TTLL11: variants seen among roughly 807,000 people sequenced by gnomAD.
TTLL11 encodes tubulin tyrosine ligase like 11, also known as tubulin polyglutamylase TTLL11.
A neutral mutation model predicts 51.7 loss-of-function variants in TTLL11; 42 were observed. The ratio of observed to expected loss-of-function variants is 0.81; its 90% CI spans 0.64 to 1.05. The LOEUF (loss-of-function observed/expected upper bound fraction) is 1.05, where lower values mean the gene tolerates loss of function less well. Among genes scored for constraint, TTLL11 ranks in the 50% least tolerant of loss-of-function variants. The pLI, the probability that TTLL11 is intolerant of heterozygous loss-of-function variation, is 0.00. For missense variants in TTLL11, 799 were observed against 940.4 expected (o/e 0.85, Z 1.97); for synonymous variants, 381 against 383.5 (o/e 0.99, Z 0.08).
intron 6 of TTLL11, among the ~76,000 whole-genome samples, chr9:121,925,732 T>C (rs1179649139): frequency 2.6e-5 from 4 of 152,134 alleles, no homozygotes; most frequent in Admixed American, 6.5e-5. Flanking sequence ...TCTCTGAATC[T>C]CTCTGTGTCC....
intron 6 of TTLL11, among the ~76,000 whole-genome samples, chr9:121,959,030 CA>C (rs1842122360): frequency 6.6e-6 from 1 of 152,072 alleles, no homozygotes; most frequent in African/African-American, 2.4e-5. Flanking sequence ...TGCACAACTC[CA>C]AAAGCCTAAA....
intron 8 of TTLL11, among the ~76,000 whole-genome samples, chr9:121,839,403 C>T (rs1837286497): frequency 6.6e-6 from 1 of 152,150 alleles, no homozygotes. Context: ...CCAGGGTTGG[C>T]CTCTTACACA....
At chr9:122,001,121 G>C (rs2131723796) in intron 3 of TTLL11, among the ~76,000 whole-genome samples, 1 of 152,168 alleles carries the variant, frequency 6.6e-6, no homozygotes, top group South Asian at 2.1e-4. Context: ...TCTTGACATG[G>C]AGTCTCACTC....
chr9:121,978,006 C>T (rs1262808682), intron 4 of TTLL11, among the ~76,000 whole-genome samples: 1 of 152,082 alleles, frequency 6.6e-6, no homozygotes, highest in Non-Finnish European at 1.5e-5. Flanking sequence ...TTTCTATGTC[C>T]CAAGAACTAT....
At chr9:122,007,492 A>G (rs1384191729) in intron 3 of TTLL11, among the ~76,000 whole-genome samples, 1 of 150,644 alleles carries the variant, frequency 6.6e-6, no homozygotes. Context: ...AAAAAAAAAG[A>G]AAAAAGAAAA....
At chr9:122,041,814 G>A (rs776021723) in intron 1 of TTLL11, among the ~76,000 whole-genome samples, 24 of 151,836 alleles carry the variant, frequency 1.6e-4, no homozygotes, top group African/African-American at 4.8e-4. Context: ...CTCATAGACC[G>A]GAAGAGTTAA....
At chr9:122,042,714 T>C (rs1184550556) in intron 1 of TTLL11, among the ~76,000 whole-genome samples, 2 of 152,164 alleles carry the variant, frequency 1.3e-5, no homozygotes, top group African/African-American at 4.8e-5. Flanking sequence ...GGTGAGTAGA[T>C]AAATAAACTA....
At chr9:121,867,418 T>C (rs1838212159) in intron 7 of TTLL11, among the ~76,000 whole-genome samples, 1 of 152,188 alleles carries the variant, frequency 6.6e-6, no homozygotes, top group African/African-American at 2.4e-5. Context: ...TAGCTGATGC[T>C]TCCTGCCTAA....
chr9:121,867,586 C>A (rs748769552), intron 7 of TTLL11, among the ~76,000 whole-genome samples: 2 of 152,136 alleles, frequency 1.3e-5, no homozygotes, highest in Non-Finnish European at 2.9e-5. Flanking sequence ...AGATGATAAA[C>A]CTTTCTAACT....
At chr9:121,826,903 C>T (rs1211402560) in intron 8 of TTLL11, among the ~76,000 whole-genome samples, 2 of 151,838 alleles carry the variant, frequency 1.3e-5, no homozygotes, top group Admixed American at 6.6e-5. Context: ...GGCAGGGAGG[C>T]AGGGTGGATG....
At chr9:122,011,188 C>A (rs1011105015) in intron 3 of TTLL11, among the ~76,000 whole-genome samples, 3 of 152,136 alleles carry the variant, frequency 2.0e-5, no homozygotes, top group Non-Finnish European at 4.4e-5. Context: ...GTAAGATGTA[C>A]CTTTTGCCTT....
At chr9:121,892,169 GAT>G (rs979910217) in intron 6 of TTLL11, among the ~76,000 whole-genome samples, 4 of 142,148 alleles carry the variant, frequency 2.8e-5, no homozygotes, top group East Asian at 4.1e-4. Flanking sequence ...TATATACACA[GAT>G]ATATATATAC....
chr9:121,889,026 T>C (rs1839122138), intron 6 of TTLL11, among the ~76,000 whole-genome samples: 1 of 152,218 alleles, frequency 6.6e-6, no homozygotes, highest in Non-Finnish European at 1.5e-5. Context: ...AGGTCTGTGC[T>C]GTTTTACCTG....
intron 1 of TTLL11, among the ~76,000 whole-genome samples, chr9:122,053,103 C>T (rs942205902): frequency 5.9e-5 from 9 of 152,180 alleles, no homozygotes; most frequent in African/African-American, 2.2e-4. Flanking sequence ...AAAGCAGAAG[C>T]TGGCCGTCCA....
chr9:122,004,500 C>A (rs549321868), intron 3 of TTLL11, among the ~76,000 whole-genome samples: 1 of 152,154 alleles, frequency 6.6e-6, no homozygotes. Flanking sequence ...CAGGCATGCA[C>A]CACCATGCCC....
chr9:121,860,591 G>A, intron 7 of TTLL11, 148 bp from the exon 8 acceptor site: 2 of 665,362 alleles, frequency 3.0e-6, no homozygotes, highest in Non-Finnish European at 2.6e-6. Context: ...GTTAGGAGGT[G>A]GGGCCTCTGA....
At chr9:121,872,860 G>A (rs1838404144) in intron 6 of TTLL11, among the ~76,000 whole-genome samples, 1 of 152,220 alleles carries the variant, frequency 6.6e-6, no homozygotes, top group Non-Finnish European at 1.5e-5. Context: ...CCTTGGGAGA[G>A]GCGAATGTGC....
chr9:121,878,231 A>C (rs146349421), intron 6 of TTLL11, among the ~76,000 whole-genome samples: 147 of 152,298 alleles, frequency 9.7e-4, no homozygotes, highest in African/African-American at 3.4e-3. Flanking sequence ...CAAAACGGCC[A>C]CATTGTTTAG....
intron 1 of TTLL11, among the ~76,000 whole-genome samples, chr9:122,055,951 T>C (rs899771924): frequency 6.6e-6 from 1 of 152,250 alleles, no homozygotes; most frequent in Non-Finnish European, 1.5e-5. Flanking sequence ...TTGCTGGTCC[T>C]GTGTGTGGCC....
Sources: gnomAD v4.1 joint callset for allele counts (sites outside exome capture counted in the v4.1 genomes callset) on GRCh38, gnomAD v4.1.1 for gene constraint, MANE v1.5 for transcripts, NCBI Gene and HGNC (gene_info 2026-07-23, HGNC 2026-07-21) for gene names.